REEP1: variants seen among roughly 807,000 people sequenced by gnomAD.
The protein encoded by REEP1 is receptor expression-enhancing protein 1.
A neutral mutation model predicts 40.3 loss-of-function variants in REEP1; 22 were observed. The observed-to-expected ratio is 0.55, with a 90% confidence interval of 0.39 to 0.78. The LOEUF (loss-of-function observed/expected upper bound fraction) is 0.78. Ranked by LOEUF, REEP1 falls within the 30% of genes least tolerant of loss-of-function variation. The probability of loss-of-function intolerance (pLI) is 0.00; values close to 1 mark genes in which losing one functional copy is unlikely to be tolerated. For missense variants in REEP1, 280 were observed against 361.1 expected (o/e 0.78, Z 1.82); for synonymous variants, 116 against 139.2 (o/e 0.83, Z 1.17).
At chr2:86,230,998 C>T (rs934771504) in intron 6 of REEP1, among the ~76,000 whole-genome samples, 11 of 152,314 alleles carry the variant, frequency 7.2e-5, no homozygotes, top group African/African-American at 2.6e-4. Context: ...ATTTCTGGGG[C>T]AGTGTCCGGC....
chr2:86,260,709 T>C (rs973484423), intron 3 of REEP1, among the ~76,000 whole-genome samples: 1 of 152,078 alleles, frequency 6.6e-6, no homozygotes, highest in African/African-American at 2.4e-5. Context: ...CCTACAATCA[T>C]AAGGAACTGA....
At chr2:86,300,747 T>G (rs565397121) in intron 1 of REEP1, among the ~76,000 whole-genome samples, 32 of 152,314 alleles carry the variant, frequency 2.1e-4, no homozygotes, top group African/African-American at 7.5e-4. Context: ...TTATCTATCT[T>G]GGTTCATGTA....
chr2:86,258,918 G>A (rs1004813489), intron 3 of REEP1, among the ~76,000 whole-genome samples: 7 of 152,222 alleles, frequency 4.6e-5, no homozygotes, highest in African/African-American at 1.7e-4. Flanking sequence ...TGTGTTCTAA[G>A]AGGGTTAGAC....
chr2:86,230,569 T>TCC (rs893665354), intron 6 of REEP1, among the ~76,000 whole-genome samples: 1 of 152,140 alleles, frequency 6.6e-6, no homozygotes, highest in African/African-American at 2.4e-5. Flanking sequence ...CCTCACTACC[T>TCC]CCCAAGATGG....
intron 1 of REEP1, among the ~76,000 whole-genome samples, chr2:86,332,984 T>C (rs1413078819): frequency 6.6e-6 from 1 of 152,224 alleles, no homozygotes; most frequent in African/African-American, 2.4e-5. Context: ...AGGACTGTGA[T>C]AGTGAGTCAG....
intron 1 of REEP1, among the ~76,000 whole-genome samples, chr2:86,320,094 T>C (rs537019676): frequency 6.6e-6 from 1 of 152,278 alleles, no homozygotes; most frequent in South Asian, 2.1e-4. Context: ...AGGAAACTAA[T>C]TCAGACCCCA....
In REEP1 at chr2:86,253,080, G is replaced by A. The variant is rs1341898769; in HGVS notation, c.304-1010C>T. On this transcript the variant is annotated intron_variant, in intron 4 of 8. Coordinates refer to ENST00000538924, the MANE Select transcript of REEP1 (RefSeq NM_001371279.1). ...GCGTATCACCTGAGGTCAAGAGTTC[G>A]AGACCAGCCTGGCCAACATGGTAAA... Among the ~76,000 whole-genome samples, 4 of 152,086 alleles carry A rather than the reference G, an allele frequency of 2.6e-5. No homozygotes were observed. The South Asian group carries it at 8.3e-4, about 32-fold the overall frequency.
At chr2:86,254,909 C>T in intron 3 of REEP1, 95 bp from the exon 4 acceptor site, 1 of 1,403,704 alleles carries the variant, frequency 7.1e-7, no homozygotes, top group Non-Finnish European at 9.9e-7. Flanking sequence ...GACGCCTCTC[C>T]TGCTTGCATG....
intron 6 of REEP1, among the ~76,000 whole-genome samples, chr2:86,231,890 C>T (rs1675037128): frequency 6.6e-6 from 1 of 152,228 alleles, no homozygotes; most frequent in Non-Finnish European, 1.5e-5. Flanking sequence ...AATCACACTT[C>T]TGGGTCTCAC....
At chr2:86,280,125 G>T in intron 2 of REEP1, 1 of 444,348 alleles carries the variant, frequency 2.3e-6, no homozygotes, top group South Asian at 1.6e-5. Context: ...TTTCTCTCTT[G>T]AACAAAATGG....
intron 5 of REEP1, among the ~76,000 whole-genome samples, chr2:86,248,246 ACT>A (rs145949085): frequency 0.03 from 4,575 of 151,974 alleles, 117 homozygotes; most frequent in East Asian, 0.069. Flanking sequence ...ACCATGCAAC[ACT>A]CTCTCTTGCA....
chr2:86,268,595 C>A (rs1018358252), intron 2 of REEP1, among the ~76,000 whole-genome samples: 4 of 152,108 alleles, frequency 2.6e-5, no homozygotes, highest in Non-Finnish European at 5.9e-5. Context: ...CAATCACAAT[C>A]CCAGCAAGTT....
intron 1 of REEP1, among the ~76,000 whole-genome samples, chr2:86,332,195 A>G (rs1244615868): frequency 1.3e-5 from 2 of 152,144 alleles, no homozygotes; most frequent in African/African-American, 4.8e-5. Context: ...CAGTTCCTCA[A>G]GAATCCCAAT....
intron 1 of REEP1, among the ~76,000 whole-genome samples, chr2:86,325,630 A>G (rs866033639): frequency 1.3e-5 from 2 of 152,300 alleles, no homozygotes; most frequent in Middle Eastern, 6.8e-3. Flanking sequence ...AGAAGCAGAG[A>G]CTACAGTAAT....
At chr2:86,261,258 G>T (rs1024367378) in intron 3 of REEP1, among the ~76,000 whole-genome samples, 2 of 152,160 alleles carry the variant, frequency 1.3e-5, no homozygotes, top group Admixed American at 1.3e-4. Flanking sequence ...TGACTGGGCC[G>T]GCCTCTACTC....
chr2:86,263,968 C>A lies in REEP1; in HGVS notation c.179G>T (p.Cys60Phe). 6.2e-7 allele frequency: 1 copy of A among 1,611,454 alleles called. No homozygotes were observed. The highest frequency in any genetic ancestry group is 8.5e-7 in the Non-Finnish European group (1 of 1,177,558). The change falls in exon 3 of 9, where the codon TGT becomes TTT. Residue 60 changes from cysteine (C) to phenylalanine (F), a missense_variant. By Grantham distance (205) the Cys-to-Phe change is radical (BLOSUM62 -2). Transcript: ENST00000538924. ...TAETFTDIFL[C>F]WFPFYYELKI... Reference sequence around the variant, plus strand: ...TCCCAACTCCTGGAGTACTTACCAACAAAGGAAGATGTCTGTGAATGTCTC... The same window carrying A: ...TCCCAACTCCTGGAGTACTTACCAAAAAAGGAAGATGTCTGTGAATGTCTC...
At chr2:86,333,486 A>G (rs1189718666) in intron 1 of REEP1, among the ~76,000 whole-genome samples, 1 of 152,234 alleles carries the variant, frequency 6.6e-6, no homozygotes, top group African/African-American at 2.4e-5. Flanking sequence ...AGTTATTCAG[A>G]AAATTCTGTG....
chr2:86,232,290 C>G (rs1487333989), intron 6 of REEP1, among the ~76,000 whole-genome samples: 2 of 152,136 alleles, frequency 1.3e-5, no homozygotes, highest in African/African-American at 4.8e-5. Flanking sequence ...CAGAAGGCTC[C>G]CGGGGCCCAG....
At position 86,216,845 on chromosome 2, in the gene REEP1, C is replaced by T. The variant is rs1674137471; in HGVS notation, c.*194G>A. ...CGCCCCTACTACCTTTCCCTTTAGCCTCTCCCCAGCAAAATAAAGAAAAGG... is the reference window on the plus strand; with the variant it reads ...CGCCCCTACTACCTTTCCCTTTAGCTTCTCCCCAGCAAAATAAAGAAAAGG... On this transcript the variant is annotated 3_prime_UTR_variant, in exon 9 of 9. Transcript: ENST00000538924. 1 of 577,036 alleles carries T rather than the reference C, an allele frequency of 1.7e-6. No individual in the cohort carries two copies. Among genetic ancestry groups the T allele is most frequent in the South Asian group, 2.1e-5 (1 of 48,532 alleles). The allele number at this position is 577,036 out of a possible 1,614,324, so 35.7% of individuals were successfully genotyped here.
Sources: allele counts gnomAD v4.1 joint callset (sites outside exome capture counted in the v4.1 genomes callset), GRCh38; gene constraint gnomAD v4.1.1; transcripts MANE v1.5; gene names NCBI Gene and HGNC (gene_info 2026-07-23, HGNC 2026-07-21).